HOXC12: variants seen among roughly 807,000 people sequenced by gnomAD.
HOXC12 encodes the protein homeobox protein Hox-C12.
A neutral mutation model predicts 20.9 loss-of-function variants in HOXC12; 24 were observed. That is an observed-to-expected ratio of 1.15 (90% CI 0.83 to 1.61). The LOEUF is 1.61. Ranked by LOEUF, HOXC12 falls within the 40% of genes most tolerant of loss-of-function variation. The probability of loss-of-function intolerance (pLI) is 0.00; values close to 1 mark genes in which losing one functional copy is unlikely to be tolerated. For missense variants in HOXC12, 436 were observed against 406.9 expected (o/e 1.07, Z -0.62); for synonymous variants, 202 against 197.7 (o/e 1.02, Z -0.18).
At position 53,955,375 on chromosome 12, in the gene HOXC12, A is replaced by G. The variant is rs1436825457; in HGVS notation, c.446A>G (p.Asp149Gly). 6.3e-5 allele frequency: 90 copies of G among 1,422,924 alleles called. No individual in the cohort carries two copies. The highest frequency in any genetic ancestry group is 7.8e-5 in the Non-Finnish European group (85 of 1,088,584). 88.1% of individuals were successfully genotyped at this position (1,422,924 alleles called of 1,614,324 possible). A position where few individuals can be genotyped will look rare whatever the true frequency, so the allele number is the denominator to read the frequency against. ...TACGCGGCGGGCGGCGGCGGTGGCG[A>G]CGGCGGCGGCGGCGCAGGACCTCCG... ...YDYAAGGGGG[D>G]GGGGAGPPHD... The change falls in exon 1 of 2, where the codon GAC (aspartate) becomes GGC (glycine). Residue 149 changes from aspartate to glycine, a missense_variant. Coordinates refer to ENST00000243103, the MANE Select transcript of HOXC12 (RefSeq NM_173860.3).
At chr12:53,955,604 G>T in intron 1 of HOXC12, 65 bp downstream of exon 1, 1 of 1,331,816 alleles carries the variant, frequency 7.5e-7, no homozygotes, top group Middle Eastern at 2.8e-4. Flanking sequence ...GGGCAGAACA[G>T]GACTGAGCTA....
rs758905620 is a variant in HOXC12 at position 53,955,103 on chromosome 12, G to A, written c.174G>A (p.Ala58=). ...DNVCSLSWPS[A]EPCNGYPQPY... ...TGTGCTCCCTGTCCTGGCCGTCGGC[G>A]GAGCCGTGCAATGGCTACCCGCAGC... Residue 58 remains alanine (A), a synonymous_variant, in exon 1 of 2, where the codon GCG becomes GCA. Transcript: ENST00000243103. 2 of 1,612,160 alleles carry A rather than the reference G, an allele frequency of 1.2e-6. No homozygotes were observed. Among genetic ancestry groups the A allele is most frequent in the Non-Finnish European group, 1.7e-6 (2 of 1,179,320 alleles).
chr12:53,955,547 C>A lies in HOXC12; in HGVS notation c.610+8C>A, dbSNP rs1445262262. The A allele has an allele frequency of 7.1e-6, 10 of 1,413,370 alleles. No homozygotes were observed. In the South Asian group the frequency reaches 8.8e-5, roughly 12 times the overall value. 87.6% of individuals were successfully genotyped at this position (1,413,370 alleles called of 1,614,324 possible). Reference sequence around the variant, plus strand: ...GCGGGCTCTCGGCCAGCGGTAAGGACCCCGGCCACTCAAGCGGCGGATTCA... The same window carrying A: ...GCGGGCTCTCGGCCAGCGGTAAGGAACCCGGCCACTCAAGCGGCGGATTCA... On this transcript the variant is annotated splice_region_variant and intron_variant, in intron 1 of 1. Transcript: ENST00000243103.
chr12:53,956,563 T>C lies in HOXC12; in HGVS notation c.846T>C (p.Phe282=). ...TGAGGGAGCAAGCTCTCTCCTTCTT[T>C]TAAGGTGCAGGACACGGGCGCCAGC... ...LLLREQALSF[F] Residue 282 remains phenylalanine (F), a synonymous_variant, in exon 2 of 2, where the codon TTT becomes TTC. Transcript: ENST00000243103. 1 of 1,608,562 alleles carries C rather than the reference T, an allele frequency of 6.2e-7. No individual in the cohort carries two copies. Among genetic ancestry groups the C allele is most frequent in the Non-Finnish European group, 8.5e-7 (1 of 1,177,088 alleles).
In HOXC12 at chr12:53,955,332, C is replaced by T. The variant is rs865968510; in HGVS notation, c.403C>T (p.Leu135Phe). Residue 135 changes from leucine (L) to phenylalanine (F), a missense_variant, in exon 1 of 2, where the codon CTC becomes TTC. Transcript: ENST00000243103. ...GCTGGAGCCGTCGGGGCCGCCTGCG[C>T]TCGGCTTCAAGTACGACTACGCGGC... is the stretch of plus-strand genomic sequence containing the variant. Reference protein sequence around the residue: ...LPLEPSGPPALGFKYDYAAGG... With the variant: ...LPLEPSGPPAFGFKYDYAAGG... 1.4e-5 allele frequency: 20 copies of T among 1,398,718 alleles called. 1 individual carries two copies. In the South Asian group the frequency reaches 1.9e-4, roughly 13 times the overall value. 86.6% of individuals were successfully genotyped at this position (1,398,718 alleles called of 1,614,324 possible).
Position 53,956,642 on chromosome 12 carries a change from C to T in HOXC12, c.*76C>T, listed in dbSNP as rs1338378014. 8 of 1,070,830 alleles carry T rather than the reference C, an allele frequency of 7.5e-6. No individual in the cohort carries two copies. The highest frequency in any genetic ancestry group is 9.6e-6 in the Non-Finnish European group (7 of 729,364). 66.3% of individuals were successfully genotyped at this position (1,070,830 alleles called of 1,614,324 possible). ...GCAAAAGAGGGCGCCGCCTAGAACA[C>T]AGTCCCCACTTAGAACGCCAGGCGT... On this transcript the variant is annotated 3_prime_UTR_variant, in exon 2 of 2. Coordinates refer to ENST00000243103, the MANE Select transcript of HOXC12 (RefSeq NM_173860.3).
rs1445925984 is a variant in HOXC12 at position 53,955,454 on chromosome 12, C to T, written c.525C>T (p.Leu175=). ...AATCCGACTCCAGTTCGTCCCTGCT[C>T]AACGAGGGCAACAAGGGCGCCGGCG... ...SLESDSSSSL[L]NEGNKGAGAG... The change falls in exon 1 of 2, where the codon CTC becomes CTT. Residue 175 remains leucine (L), a synonymous_variant. Coordinates refer to ENST00000243103, the MANE Select transcript of HOXC12 (RefSeq NM_173860.3). The T allele has an allele frequency of 6.6e-7, 1 of 1,505,560 alleles. No homozygotes were observed. The highest frequency in any genetic ancestry group is 2.1e-5 in the Admixed American group (1 of 47,836). The allele number at this position is 1,505,560 out of a possible 1,614,324, so 93.3% of individuals were successfully genotyped here.
Position 53,956,508 on chromosome 12 carries a change from AC to A in HOXC12, c.793del (p.Arg265GlyfsTer3), listed in dbSNP as rs1565708933. On this transcript the variant is annotated frameshift_variant, in exon 2 of 2. Coordinates refer to ENST00000243103, the MANE Select transcript of HOXC12 (RefSeq NM_173860.3). LOFTEE classifies it high-confidence loss of function. ...CAGCAGGTCAAGATCTGGTTTCAGAACCGGAGAATGAAAAAGAAAAGACTTC... is the reference window on the plus strand; with the variant it reads ...CAGCAGGTCAAGATCTGGTTTCAGAACGGAGAATGAAAAAGAAAAGACTTC... ...SDQQVKIWFQ[N>X]RRMKKKRLLL... 3 of 1,614,174 alleles carry A rather than the reference AC, an allele frequency of 1.9e-6. No homozygotes were observed. The highest frequency in any genetic ancestry group is 3.3e-5 in the Admixed American group (2 of 60,020).
At position 53,956,582 on chromosome 12, in the gene HOXC12, C is replaced by T. The variant is rs201053945; in HGVS notation, c.*16C>T. The T allele has an allele frequency of 4.4e-5, 70 of 1,581,030 alleles. No homozygotes were observed. In the South Asian group the frequency reaches 6.3e-4, roughly 14 times the overall value. On this transcript the variant is annotated 3_prime_UTR_variant, in exon 2 of 2. Coordinates refer to ENST00000243103, the MANE Select transcript of HOXC12 (RefSeq NM_173860.3). ...CTTCTTTTAAGGTGCAGGACACGGG[C>T]GCCAGCCCCAGACTGAGCCTGTCCC...
In HOXC12 at chr12:53,957,579, G is replaced by C. The variant is rs1409485477; in HGVS notation, c.*1013G>C. 1.1e-5 allele frequency: 1 copy of C among 92,698 alleles called. No homozygotes were observed. The highest frequency in any genetic ancestry group is 2.5e-5 in the Non-Finnish European group (1 of 40,532). The allele number at this position is 92,698 out of a possible 1,614,324, so 5.7% of individuals were successfully genotyped here. A position where few individuals can be genotyped will look rare whatever the true frequency, so the allele number is the denominator to read the frequency against. Reference sequence around the variant, plus strand: ...TTCTCCCTTCCCCGCTGGCGTTCACGGTCACTGCCTCACGGGCCGGCCAGA... The same window carrying C: ...TTCTCCCTTCCCCGCTGGCGTTCACCGTCACTGCCTCACGGGCCGGCCAGA... On this transcript the variant is annotated 3_prime_UTR_variant, in exon 2 of 2. Coordinates refer to ENST00000243103, the MANE Select transcript of HOXC12 (RefSeq NM_173860.3).
chr12:53,955,151 T>C lies in HOXC12; in HGVS notation c.222T>C (p.Ser74=), dbSNP rs1189076978. 5.6e-6 allele frequency: 9 copies of C among 1,610,934 alleles called. No homozygotes were observed. In the South Asian group the frequency reaches 9.9e-5, roughly 18 times the overall value. ...AGCCCTACCTCGGCAGCCCAGTGTC[T>C]CTCAACCCTCCCTTCGGCCGCACGT... The part of the protein sequence containing the change: ...YPQPYLGSPV[S]LNPPFGRTCE... The change falls in exon 1 of 2, where the codon TCT becomes TCC. Residue 74 remains serine, a synonymous_variant. Coordinates refer to ENST00000243103, the MANE Select transcript of HOXC12 (RefSeq NM_173860.3).
rs1592190141 is a variant in HOXC12, at chr12:53,956,763, G to A, written c.*197G>A. The A allele has an allele frequency of 2.2e-6, 1 of 458,914 alleles. No homozygotes were observed. Among genetic ancestry groups the A allele is most frequent in the Non-Finnish European group, 3.8e-6 (1 of 261,722 alleles). 28.4% of individuals were successfully genotyped at this position (458,914 alleles called of 1,614,324 possible). A position where few individuals can be genotyped will look rare whatever the true frequency, so the allele number is the denominator to read the frequency against. On this transcript the variant is annotated 3_prime_UTR_variant, in exon 2 of 2. Transcript: ENST00000243103. ...CACCCTGCCAGGTCCCAGAGAGAAG[G>A]GAAGAAACCTAGCCAGGGAGAGCAG... is the stretch of plus-strand genomic sequence containing the variant.
At position 53,955,548 on chromosome 12, in the gene HOXC12, C is replaced by A. The variant is rs1043279301; in HGVS notation, c.610+9C>A. On this transcript the variant is annotated intron_variant, in intron 1 of 1. Transcript: ENST00000243103. The stretch of plus-strand genomic sequence containing the variant: ...CGGGCTCTCGGCCAGCGGTAAGGAC[C>A]CCGGCCACTCAAGCGGCGGATTCAA... The A allele has an allele frequency of 9.2e-6, 13 of 1,411,636 alleles. No individual in the cohort carries two copies. Among genetic ancestry groups the A allele is most frequent in the Non-Finnish European group, 1.0e-5 (11 of 1,083,384 alleles). The allele number at this position is 1,411,636 out of a possible 1,614,324, so 87.4% of individuals were successfully genotyped here. A position where few individuals can be genotyped will look rare whatever the true frequency, so the allele number is the denominator to read the frequency against.
In HOXC12 at chr12:53,956,682, C is replaced by A; in HGVS notation, c.*116C>A. ...ACGCCAGGCGTCTCTGGCAGGCCCTCCCTGGATATCCTCTTGTCTGTTTTG... is the reference window on the plus strand; with the variant it reads ...ACGCCAGGCGTCTCTGGCAGGCCCTACCTGGATATCCTCTTGTCTGTTTTG... On this transcript the variant is annotated 3_prime_UTR_variant, in exon 2 of 2. Coordinates refer to ENST00000243103, the MANE Select transcript of HOXC12 (RefSeq NM_173860.3). 1.4e-6 allele frequency: 1 copy of A among 737,140 alleles called. No individual in the cohort carries two copies. Among genetic ancestry groups the A allele is most frequent in the South Asian group, 1.8e-5 (1 of 55,666 alleles). 45.7% of individuals were successfully genotyped at this position (737,140 alleles called of 1,614,324 possible).
At position 53,955,175 on chromosome 12, in the gene HOXC12, G is replaced by A. The variant is rs150971865; in HGVS notation, c.246G>A (p.Thr82=). The part of the protein sequence containing the change: ...PVSLNPPFGR[T]CELARVEDGK... ...CTCTCAACCCTCCCTTCGGCCGCACGTGCGAGCTGGCGCGCGTGGAGGACG... is the reference window on the plus strand; with the variant it reads ...CTCTCAACCCTCCCTTCGGCCGCACATGCGAGCTGGCGCGCGTGGAGGACG... The change falls in exon 1 of 2, where the codon ACG becomes ACA. Residue 82 remains threonine, a synonymous_variant. Coordinates refer to ENST00000243103, the MANE Select transcript of HOXC12 (RefSeq NM_173860.3). The A allele has an allele frequency of 6.3e-5, 101 of 1,610,890 alleles. No homozygotes were observed. In the African/African-American group the frequency reaches 7.2e-4, roughly 11 times the overall value.
rs1208487482 is a variant in HOXC12 at position 53,955,339 on chromosome 12, T to G, written c.410T>G (p.Phe137Cys). 12 of 1,416,200 alleles carry G rather than the reference T, an allele frequency of 8.5e-6. No individual in the cohort carries two copies. Among genetic ancestry groups the G allele is most frequent in the African/African-American group, 1.5e-5 (1 of 66,238 alleles). The allele number at this position is 1,416,200 out of a possible 1,614,324, so 87.7% of individuals were successfully genotyped here. A position where few individuals can be genotyped will look rare whatever the true frequency, so the allele number is the denominator to read the frequency against. The change falls in exon 1 of 2, where the codon TTC (phenylalanine) becomes TGC (cysteine). Residue 137 changes from phenylalanine to cysteine, a missense_variant. Coordinates refer to ENST00000243103, the MANE Select transcript of HOXC12 (RefSeq NM_173860.3). Reference sequence around the variant, plus strand: ...CCGTCGGGGCCGCCTGCGCTCGGCTTCAAGTACGACTACGCGGCGGGCGGC... The same window carrying G: ...CCGTCGGGGCCGCCTGCGCTCGGCTGCAAGTACGACTACGCGGCGGGCGGC... ...LEPSGPPALGFKYDYAAGGGG... is the reference protein window; with the variant it reads ...LEPSGPPALGCKYDYAAGGGG...
chr12:53,954,958 G>C lies in HOXC12; in HGVS notation c.29G>C (p.Gly10Ala). ...GGCGAGCATAATCTCCTGAATCCCG[G>C]GTTTGTGGGGCCGCTGGTAAACATC... MGEHNLLNP[G>A]FVGPLVNIHT... The change falls in exon 1 of 2, where the codon GGG (glycine) becomes GCG (alanine). Residue 10 changes from glycine (G) to alanine (A), a missense_variant. Coordinates refer to ENST00000243103, the MANE Select transcript of HOXC12 (RefSeq NM_173860.3). The C allele has an allele frequency of 1.9e-6, 3 of 1,613,454 alleles. No individual in the cohort carries two copies. Among genetic ancestry groups the C allele is most frequent in the Non-Finnish European group, 2.5e-6 (3 of 1,179,358 alleles).
Position 53,958,713 on chromosome 12 carries a change from A to G in HOXC12, c.*2147A>G, listed in dbSNP as rs1400285588. ...CAAAGATATGCAATATTCTCTTTCC[A>G]TTTGCTTTAAACTTGACTTCTGTGA... is the stretch of plus-strand genomic sequence containing the variant. On this transcript the variant is annotated 3_prime_UTR_variant, in exon 2 of 2. Coordinates refer to ENST00000243103, the MANE Select transcript of HOXC12 (RefSeq NM_173860.3). 3 of 152,090 alleles carry G rather than the reference A, an allele frequency of 2.0e-5. No homozygotes were observed. Among genetic ancestry groups the G allele is most frequent in the African/African-American group, 4.8e-5 (2 of 41,394 alleles). The allele number at this position is 152,090 out of a possible 1,614,324, so 9.4% of individuals were successfully genotyped here.
intron 1 of HOXC12, 41 bp downstream of exon 1, chr12:53,955,580 C>T (rs1938852254): frequency 5.1e-6 from 7 of 1,382,004 alleles, no homozygotes; most frequent in Non-Finnish European, 5.6e-6. Context: ...TCAAACCCGA[C>T]CTCTTACCAG....
Sources: gnomAD v4.1 joint callset for allele counts on GRCh38, gnomAD v4.1.1 for gene constraint, MANE v1.5 for transcripts, NCBI Gene and HGNC (gene_info 2026-07-23, HGNC 2026-07-21) for gene names.